Variants in IL23R observed in about 807,000 individuals in gnomAD.
IL23R encodes the protein interleukin 23 receptor.
In IL23R, 34 loss-of-function variants were observed where a neutral mutation model predicts 56.9. The ratio of observed to expected loss-of-function variants is 0.60; its 90% CI spans 0.45 to 0.80. The LOEUF (loss-of-function observed/expected upper bound fraction) is 0.80. IL23R is among the 30% of genes least tolerant of loss of function. The pLI, the probability that IL23R is intolerant of heterozygous loss-of-function variation, is 0.00. For missense variants in IL23R, 635 were observed against 730.0 expected (o/e 0.87, Z 1.50); for synonymous variants, 230 against 249.2 (o/e 0.92, Z 0.73).
chr1:67,177,583 A>G (rs564284108), intron 3 of IL23R, among the ~76,000 whole-genome samples: 2 of 151,716 alleles, frequency 1.3e-5, no homozygotes, highest in South Asian at 2.1e-4. Flanking sequence ...GTTCACTCTG[A>G]TGGTAGTTTC....
intron 7 of IL23R, among the ~76,000 whole-genome samples, chr1:67,234,604 A>G (rs1651337500): frequency 1.3e-5 from 2 of 152,252 alleles, no homozygotes; most frequent in South Asian, 4.1e-4. Context: ...GCTAATTTTA[A>G]AATAATAAAA....
At chr1:67,200,305 G>A (rs931624546) in intron 4 of IL23R, among the ~76,000 whole-genome samples, 1 of 151,926 alleles carries the variant, frequency 6.6e-6, no homozygotes. Flanking sequence ...GCCTCCCAAA[G>A]TGCTGGGATT....
At chr1:67,186,714 G>A (rs138097850) in intron 4 of IL23R, among the ~76,000 whole-genome samples, 1,581 of 152,170 alleles carry the variant, frequency 0.01, 27 homozygotes, top group African/African-American at 0.035. Context: ...TGCCTCCTGG[G>A]TTCAAGTGAT....
At chr1:67,256,199 G>A (rs1044289829) in intron 10 of IL23R, among the ~76,000 whole-genome samples, 4 of 152,150 alleles carry the variant, frequency 2.6e-5, no homozygotes, top group Admixed American at 6.6e-5. Context: ...CCTTGTGCAC[G>A]AGTCACCTGG....
chr1:67,212,172 C>G (rs1456668779), intron 6 of IL23R, among the ~76,000 whole-genome samples: 1 of 152,202 alleles, frequency 6.6e-6, no homozygotes, highest in Non-Finnish European at 1.5e-5. Flanking sequence ...AGTCAATCTA[C>G]CACGTTTCCT....
chr1:67,235,237 C>T (rs1055983782), intron 7 of IL23R, among the ~76,000 whole-genome samples: 2 of 152,168 alleles, frequency 1.3e-5, no homozygotes, highest in Non-Finnish European at 1.5e-5. Context: ...CCGGGTGAAA[C>T]ATTTTCCTCT....
intron 3 of IL23R, among the ~76,000 whole-genome samples, chr1:67,179,811 A>G (rs9683282): frequency 0.021 from 3,208 of 152,118 alleles, 98 homozygotes; most frequent in African/African-American, 0.073. Flanking sequence ...AGATTCGGGT[A>G]TGTTGTGTCT....
chr1:67,218,808 A>G (rs1366306872), intron 6 of IL23R, among the ~76,000 whole-genome samples: 1 of 151,930 alleles, frequency 6.6e-6, no homozygotes, highest in Non-Finnish European at 1.5e-5. Context: ...AGTCCCAGCT[A>G]CTTGGGAGGC....
At chr1:67,153,777 T>G (rs1180409528) in intron 1 of IL23R, among the ~76,000 whole-genome samples, 1 of 151,992 alleles carries the variant, frequency 6.6e-6, no homozygotes, top group Non-Finnish European at 1.5e-5. Context: ...TCTTTTCTTT[T>G]TTTTTTGAGA....
chr1:67,169,700 A>G (rs750794618), intron 3 of IL23R, 62 bp downstream of exon 3: 115 of 1,396,810 alleles, frequency 8.2e-5, no homozygotes, highest in Admixed American at 1.7e-5. Context: ...ACTGGTCATT[A>G]CCACACTAGT....
At chr1:67,234,853 A>C (rs1274127324) in intron 7 of IL23R, among the ~76,000 whole-genome samples, 2 of 151,740 alleles carry the variant, frequency 1.3e-5, no homozygotes, top group Non-Finnish European at 2.9e-5. Flanking sequence ...GACTATAGGC[A>C]CCTGCCACCA....
At chr1:67,257,693 TTATTTATTTATTTGTTG>T in intron 10 of IL23R, among the ~76,000 whole-genome samples, 1 of 152,064 alleles carries the variant, frequency 6.6e-6, no homozygotes, top group Middle Eastern at 3.4e-3. Flanking sequence ...GTGAGTAGCT[TTATTTATTTATTTGTTG>T]TTTTTTGTTT....
At chr1:67,200,118 C>A (rs1417546938) in intron 4 of IL23R, among the ~76,000 whole-genome samples, 22 of 152,194 alleles carry the variant, frequency 1.4e-4, no homozygotes, top group Non-Finnish European at 2.9e-5. Flanking sequence ...CGGCTCACTG[C>A]AAGCTCCTCC....
chr1:67,234,843 G>A (rs894672767), intron 7 of IL23R, among the ~76,000 whole-genome samples: 2 of 151,354 alleles, frequency 1.3e-5, no homozygotes, highest in South Asian at 2.1e-4. Context: ...GAGTAGCTGG[G>A]ACTATAGGCA....
Position 67,232,084 on chromosome 1 carries a change from G to A in IL23R, c.956-4629G>A, listed in dbSNP as rs570677358. On this transcript the variant is annotated intron_variant, in intron 7 of 10. Transcript: ENST00000347310. ...TTATAAAGAGTATGATCTCCACTAG[G>A]CTACCAACATACACAAAAGACTGTT... Among the ~76,000 whole-genome samples, 23 of 152,090 alleles carry A rather than the reference G, an allele frequency of 1.5e-4. 1 individual carries two copies. The highest frequency in any genetic ancestry group is 4.6e-4 in the Admixed American group (7 of 15,266).
At chr1:67,178,945 C>A (rs998932636) in intron 3 of IL23R, among the ~76,000 whole-genome samples, 4 of 152,210 alleles carry the variant, frequency 2.6e-5, no homozygotes, top group Non-Finnish European at 4.4e-5. Context: ...GTTGAACCAG[C>A]CTTGCCTCCC....
chr1:67,207,153 T>C (rs780753526), intron 6 of IL23R, 98 bp downstream of exon 6: 2 of 1,254,252 alleles, frequency 1.6e-6, no homozygotes, highest in Non-Finnish European at 2.3e-6. Context: ...TTTTACATGT[T>C]TTTAATCTGA....
At chr1:67,149,333 G>A (rs1646708540) in intron 1 of IL23R, among the ~76,000 whole-genome samples, 1 of 152,168 alleles carries the variant, frequency 6.6e-6, no homozygotes, top group African/African-American at 2.4e-5. Flanking sequence ...TTTGCAGTGA[G>A]AAAGAAGTCA....
downstream of IL23R, among the ~76,000 whole-genome samples, chr1:67,260,449 A>G (rs1024166202): frequency 4.6e-5 from 7 of 152,094 alleles, no homozygotes; most frequent in African/African-American, 1.4e-4. Flanking sequence ...TGAACCTACC[A>G]TTGCCCCATA....
Sources: allele counts gnomAD v4.1 joint callset (sites outside exome capture counted in the v4.1 genomes callset), GRCh38; gene constraint gnomAD v4.1.1; transcripts MANE v1.5; gene names NCBI Gene and HGNC (gene_info 2026-07-23, HGNC 2026-07-21).